RB1CC1: variants seen among roughly 807,000 people sequenced by gnomAD.
RB1CC1 encodes the protein RB1-inducible coiled-coil protein 1.
RB1CC1 carries 46 observed loss-of-function variants against 177.5 expected under a neutral mutation model. The observed-to-expected ratio is 0.26, with a 90% CI of 0.20 to 0.33. RB1CC1 has a LOEUF of 0.33. Among genes scored for constraint, RB1CC1 ranks in the 10% least tolerant of loss-of-function variants. The probability of loss-of-function intolerance (pLI) is 1.00; values close to 1 mark genes in which losing one functional copy is unlikely to be tolerated. For missense variants in RB1CC1, 1,703 were observed against 1,816.3 expected (o/e 0.94, Z 1.13); for synonymous variants, 666 against 613.6 (o/e 1.09, Z -1.26).
At chr8:52,642,889 ATTCTT>A in intron 16 of RB1CC1, 77 bp from the exon 17 acceptor site, 1 of 1,355,680 alleles carries the variant, frequency 7.4e-7, no homozygotes, top group East Asian at 2.7e-5. Context: ...ACTTGCAAAT[ATTCTT>A]TTCTGTGGCA....
At position 52,668,172 on chromosome 8, in the gene RB1CC1, C is replaced by T. The variant is rs142894015; in HGVS notation, c.1022G>A (p.Arg341Gln). 10 of 1,613,244 alleles carry T rather than the reference C, an allele frequency of 6.2e-6. No homozygotes were observed. Among genetic ancestry groups the T allele is most frequent in the South Asian group, 1.1e-5 (1 of 90,992 alleles). ...TTGACGGCATTCTGCTATAAATGGT[C>T]GAATAATCCTTGGATCAAGCTAAAT... ...SMSRLDPRIIRPFIAECRQTI... is the reference protein window; with the variant it reads ...SMSRLDPRIIQPFIAECRQTI... Residue 341 changes from arginine to glutamine, a missense_variant, in exon 8 of 24, where the codon CGA becomes CAA. Coordinates refer to ENST00000025008, the MANE Select transcript of RB1CC1 (RefSeq NM_014781.5).
chr8:52,633,814 G>A (rs929343397), intron 20 of RB1CC1, among the ~76,000 whole-genome samples: 2 of 152,074 alleles, frequency 1.3e-5, no homozygotes, highest in African/African-American at 4.8e-5. Context: ...AAAATTCCAG[G>A]CAATTCCAAT....
chr8:52,626,677 GTTCA>G (rs750465780), intron 22 of RB1CC1, among the ~76,000 whole-genome samples: 9 of 152,062 alleles, frequency 5.9e-5, no homozygotes, highest in South Asian at 4.1e-4. Context: ...GAAATATCAG[GTTCA>G]TTATTTTCAA....
chr8:52,639,372 T>G (rs902004566), intron 18 of RB1CC1, among the ~76,000 whole-genome samples: 3 of 145,600 alleles, frequency 2.1e-5, no homozygotes, highest in African/African-American at 7.6e-5. Flanking sequence ...CCTCTTTGGA[T>G]ATATCTATGA....
At chr8:52,640,126 G>C (rs1340245230) in intron 18 of RB1CC1, among the ~76,000 whole-genome samples, 1 of 151,886 alleles carries the variant, frequency 6.6e-6, no homozygotes, top group Non-Finnish European at 1.5e-5. Context: ...TGATACTTTG[G>C]TTCTGAATAA....
At chr8:52,692,774 T>C (rs973339140) in intron 1 of RB1CC1, among the ~76,000 whole-genome samples, 1 of 152,142 alleles carries the variant, frequency 6.6e-6, no homozygotes, top group Non-Finnish European at 1.5e-5. Flanking sequence ...TGTGACCATT[T>C]AAAAAATTTC....
chr8:52,692,478 T>C (rs1374699417), intron 1 of RB1CC1, among the ~76,000 whole-genome samples: 1 of 152,186 alleles, frequency 6.6e-6, no homozygotes, highest in East Asian at 1.9e-4. Flanking sequence ...CTGTATGAAG[T>C]ATATGATATT....
intron 1 of RB1CC1, among the ~76,000 whole-genome samples, chr8:52,711,260 C>A (rs1156964152): frequency 2.6e-5 from 4 of 152,138 alleles, no homozygotes; most frequent in African/African-American, 4.8e-5. Flanking sequence ...AGAACCGGAA[C>A]TTTACAAAGG....
chr8:52,698,669 G>GTTTTTTTT lies in RB1CC1; in HGVS notation c.-166-11703_-166-11702insAAAAAAAA. Among the ~76,000 whole-genome samples the GTTTTTTTT allele has an allele frequency of 1.1e-3, 26 of 22,782 alleles. 13 individuals carry two copies. The highest frequency in any genetic ancestry group is 1.9e-3 in the Non-Finnish European group (20 of 10,600). 14.9% of individuals were successfully genotyped at this position (22,782 alleles called of 152,430 possible). On this transcript the variant is annotated intron_variant, in intron 1 of 23. Transcript: ENST00000025008. ...AACAAAAACTGTATATGTAATGGTT[G>GTTTTTTTT]GTTTTTTTTTTTTTTTTTTTTTTTT...
chr8:52,708,024 AC>A (rs1160908703), intron 1 of RB1CC1, among the ~76,000 whole-genome samples: 1 of 152,218 alleles, frequency 6.6e-6, no homozygotes, highest in East Asian at 1.9e-4. Context: ...CTAGGAATAT[AC>A]TAAAAGCTTT....
intron 15 of RB1CC1, 98 bp from the exon 16 acceptor site, chr8:52,645,965 T>A: frequency 8.6e-7 from 1 of 1,159,702 alleles, no homozygotes; most frequent in Non-Finnish European, 1.2e-6. Context: ...TTAAGCTCAA[T>A]AATGTAGCAT....
chr8:52,662,151 T>A (rs1179050392), intron 8 of RB1CC1, among the ~76,000 whole-genome samples: 1 of 152,074 alleles, frequency 6.6e-6, no homozygotes, highest in Non-Finnish European at 1.5e-5. Flanking sequence ...AATAATAAAA[T>A]GCCCTTAAAA....
chr8:52,705,511 A>G (rs1856464893), intron 1 of RB1CC1, among the ~76,000 whole-genome samples: 1 of 152,258 alleles, frequency 6.6e-6, no homozygotes. Flanking sequence ...ATAAACTGGT[A>G]TAACTTTTAA....
At chr8:52,708,198 T>G (rs1023546502) in intron 1 of RB1CC1, among the ~76,000 whole-genome samples, 2 of 152,216 alleles carry the variant, frequency 1.3e-5, no homozygotes, top group Admixed American at 6.5e-5. Context: ...CCATCTTTGC[T>G]GATCTGAATT....
chr8:52,652,440 T>A (rs997453570), intron 15 of RB1CC1, among the ~76,000 whole-genome samples: 25 of 126,580 alleles, frequency 2.0e-4, no homozygotes, highest in East Asian at 9.4e-4. Context: ...AGCCTGGGCA[T>A]CAGAGCAAGA....
At chr8:52,625,697 A>G (rs984559777) in intron 22 of RB1CC1, among the ~76,000 whole-genome samples, 2 of 152,212 alleles carry the variant, frequency 1.3e-5, no homozygotes, top group Non-Finnish European at 2.9e-5. Context: ...AACAAAAAGC[A>G]TATTTTAAAG....
intron 15 of RB1CC1, among the ~76,000 whole-genome samples, chr8:52,647,401 G>A (rs373798384): frequency 3.3e-5 from 5 of 152,188 alleles, no homozygotes; most frequent in South Asian, 2.1e-4. Flanking sequence ...TAATTAAGGC[G>A]AAGGATTTAC....
Position 52,657,035 on chromosome 8 carries a change from G to T in RB1CC1, c.2794C>A (p.Gln932Lys). The change falls in exon 15 of 24, where the codon CAG becomes AAG. Residue 932 changes from glutamine to lysine, a missense_variant. This residue lies in a region of RB1CC1 where 1,169 missense variants were observed against 1,184.7 expected (regional missense o/e 0.99). Coordinates refer to ENST00000025008, the MANE Select transcript of RB1CC1 (RefSeq NM_014781.5). ...ATATTTTCCATCTCTAACAACTTCT[G>T]ATCCTTTTCATTCTGCAGGCAGATT... ...AVICLQNEKD[Q>K]KLLEMENIMH... 1 of 1,613,184 alleles carries T rather than the reference G, an allele frequency of 6.2e-7. No individual in the cohort carries two copies. The highest frequency in any genetic ancestry group is 8.5e-7 in the Non-Finnish European group (1 of 1,179,836).
At chr8:52,713,123 T>C (rs537521136) in intron 1 of RB1CC1, among the ~76,000 whole-genome samples, 14 of 152,146 alleles carry the variant, frequency 9.2e-5, no homozygotes, top group Non-Finnish European at 1.9e-4. Flanking sequence ...AACTACACAA[T>C]AAAATAGTTA....
Sources: allele counts gnomAD v4.1 joint callset (sites outside exome capture counted in the v4.1 genomes callset), GRCh38; gene constraint gnomAD v4.1.1; regional missense constraint gnomAD v4.1.1; transcripts MANE v1.5; gene names NCBI Gene and HGNC (gene_info 2026-07-23, HGNC 2026-07-21).